Variants in PIAS2 observed in about 807,000 individuals in gnomAD.
The protein encoded by PIAS2 is E3 SUMO-protein ligase PIAS2.
A neutral mutation model predicts 69.7 loss-of-function variants in PIAS2; 19 were observed. The ratio of observed to expected loss-of-function variants is 0.27; its 90% CI spans 0.19 to 0.40. The LOEUF (loss-of-function observed/expected upper bound fraction) is 0.40. Ranked by LOEUF, PIAS2 falls within the 10% of genes least tolerant of loss-of-function variation. The pLI, the probability that PIAS2 is intolerant of heterozygous loss-of-function variation, is 1.00. For synonymous variants in PIAS2, 261 were observed against 263.2 expected (o/e 0.99, Z 0.08); for missense variants, 624 against 757.0 (o/e 0.82, Z 2.06).
chr18:46,815,287 A>G (rs1247301119), intron 13 of PIAS2, 25 bp downstream of exon 13: 1 of 1,595,704 alleles, frequency 6.3e-7, no homozygotes, highest in South Asian at 1.1e-5. Context: ...AATACAAATT[A>G]GTTGCTTAAA....
rs140762308 is a variant in PIAS2, at chr18:46,812,055, AT to A, written c.*377del. ...TGTCATTCTAGAATCAGTGATTACA[AT>A]TTTTTTTTTAATTAGAAAAAAGGTT... On this transcript the variant is annotated 3_prime_UTR_variant, in exon 14 of 14. Transcript: ENST00000585916. 1,285 of 154,190 alleles carry A rather than the reference AT, an allele frequency of 8.3e-3. 10 individuals are homozygous for A. Among genetic ancestry groups the A allele is most frequent in the African/African-American group, 0.026 (1,075 of 41,186 alleles). The allele number at this position is 154,190 out of a possible 1,614,324, so 9.6% of individuals were successfully genotyped here. A position where few individuals can be genotyped will look rare whatever the true frequency, so the allele number is the denominator to read the frequency against.
intron 2 of PIAS2, among the ~76,000 whole-genome samples, chr18:46,879,349 T>C (rs536017879): frequency 1.4e-3 from 217 of 150,744 alleles, no homozygotes; most frequent in African/African-American, 4.6e-3. Context: ...AAAACTATAA[T>C]GCAATGCCAC....
At chr18:46,861,737 G>A (rs762613394) in intron 3 of PIAS2, among the ~76,000 whole-genome samples, 3 of 152,100 alleles carry the variant, frequency 2.0e-5, no homozygotes, top group South Asian at 2.1e-4. Flanking sequence ...AAAGTGTCAC[G>A]CTGTGAAAGA....
intron 11 of PIAS2, among the ~76,000 whole-genome samples, chr18:46,824,381 T>C (rs925731128): frequency 7.2e-5 from 11 of 152,234 alleles, no homozygotes; most frequent in African/African-American, 1.4e-4. Flanking sequence ...ATCCTTATTA[T>C]GTTTCCTGTC....
intron 2 of PIAS2, among the ~76,000 whole-genome samples, chr18:46,880,142 T>A (rs1409952053): frequency 6.7e-6 from 1 of 148,914 alleles, no homozygotes; most frequent in African/African-American, 2.5e-5. Flanking sequence ...ATGCCTATAA[T>A]CCCAGCACTT....
chr18:46,825,301 C>T (rs1234065290), intron 11 of PIAS2, among the ~76,000 whole-genome samples: 6 of 152,296 alleles, frequency 3.9e-5, no homozygotes, highest in African/African-American at 1.4e-4. Context: ...TGACAGGTGG[C>T]AGCCACTCTA....
chr18:46,806,867 A>C lies in PIAS2; in HGVS notation c.*5566T>G, dbSNP rs1028148822. ...AATTAAGCTTTGAGAACACAAAATAAAGCTTTTTAAAAAAGCCATTCAGAA... is the reference window on the plus strand; with the variant it reads ...AATTAAGCTTTGAGAACACAAAATACAGCTTTTTAAAAAAGCCATTCAGAA... On this transcript the variant is annotated 3_prime_UTR_variant, in exon 14 of 14. Transcript: ENST00000585916. The C allele has an allele frequency of 6.6e-6, 1 of 152,212 alleles. No homozygotes were observed. Among genetic ancestry groups the C allele is most frequent in the African/African-American group, 2.4e-5 (1 of 41,456 alleles). 9.4% of individuals were successfully genotyped at this position (152,212 alleles called of 1,614,324 possible).
rs56318022 is a variant in PIAS2 at position 46,859,804 on chromosome 18, G to A, written c.585-4189C>T. Among the ~76,000 whole-genome samples the A allele has an allele frequency of 6.6e-3, 1,002 of 152,286 alleles. 8 individuals carry two copies. The highest frequency in any genetic ancestry group is 0.023 in the African/African-American group (965 of 41,548). ...CTGAAAAAGGTGTCTAGAGGGAGGT[G>A]TTGGTAATTTTGCAGCCACCCATAT... On this transcript the variant is annotated intron_variant, in intron 3 of 13. Transcript: ENST00000585916.
intron 8 of PIAS2, among the ~76,000 whole-genome samples, chr18:46,840,231 A>G (rs778302927): frequency 6.2e-4 from 94 of 152,182 alleles, no homozygotes; most frequent in Non-Finnish European, 2.2e-4. Context: ...ATAGTTATCA[A>G]TATTTGTATA....
intron 5 of PIAS2, among the ~76,000 whole-genome samples, chr18:46,852,164 T>A (rs7241858): frequency 0.077 from 11,751 of 152,250 alleles, 489 homozygotes; most frequent in African/African-American, 0.1. Context: ...GTTTTATATT[T>A]AAAAAGACTC....
intron 10 of PIAS2, among the ~76,000 whole-genome samples, chr18:46,828,957 A>T (rs2043198455): frequency 6.6e-6 from 1 of 152,244 alleles, no homozygotes; most frequent in South Asian, 2.1e-4. Flanking sequence ...TGTCAATCGC[A>T]GAGGAATAAT....
intron 3 of PIAS2, 50 bp downstream of exon 3, chr18:46,864,113 AG>A (rs770912313): frequency 1.9e-6 from 2 of 1,060,904 alleles, no homozygotes; most frequent in Non-Finnish European, 1.4e-6. Flanking sequence ...GCAGCCCTAC[AG>A]GTGAATAAAC....
Position 46,821,041 on chromosome 18 carries a change from C to T in PIAS2, c.1540G>A (p.Val514Met). ...VLMYQPSSVR[V>M]PSVTSVDPAA... Reference sequence around the variant, plus strand: ...GGATCAACCGAAGTCACACTGGGCACCCTTACAGAAGATGGCTGATACATG... The same window carrying T: ...GGATCAACCGAAGTCACACTGGGCATCCTTACAGAAGATGGCTGATACATG... The change falls in exon 12 of 14, where the codon GTG becomes ATG. Residue 514 changes from valine (V) to methionine (M), a missense_variant. Val to Met is a conservative substitution (Grantham distance 21, BLOSUM62 1). This residue lies in a region of PIAS2 where 241 missense variants were observed against 257.3 expected (regional missense o/e 0.94). Transcript: ENST00000585916. 6.2e-7 allele frequency: 1 copy of T among 1,613,444 alleles called. No individual in the cohort carries two copies. The highest frequency in any genetic ancestry group is 8.5e-7 in the Non-Finnish European group (1 of 1,179,582).
Position 46,803,236 on chromosome 18 carries a change from GTTTAA to G in PIAS2, c.*9192_*9196del, listed in dbSNP as rs574972105. On this transcript the variant is annotated 3_prime_UTR_variant, in exon 14 of 14. Coordinates refer to ENST00000585916, the MANE Select transcript of PIAS2 (RefSeq NM_004671.5). ...CAATGGGTCATAGTTTAATTAGCAG[GTTTAA>G]TTTTTCTTTAATGTCTTACAATCAG... The G allele has an allele frequency of 5.0e-4, 76 of 152,022 alleles. No individual in the cohort carries two copies. The highest frequency in any genetic ancestry group is 1.3e-3 in the African/African-American group (52 of 41,478). The allele number at this position is 152,022 out of a possible 1,614,324, so 9.4% of individuals were successfully genotyped here.
At chr18:46,914,563 C>G (rs571888625) in intron 1 of PIAS2, among the ~76,000 whole-genome samples, 1 of 146,718 alleles carries the variant, frequency 6.8e-6, no homozygotes, top group Non-Finnish European at 1.5e-5. Context: ...AACCCTCCCC[C>G]CCCCAACTCC....
rs2040548170 is a variant in PIAS2, at chr18:46,803,250, T to C, written c.*9183A>G. ...TTAATTAGCAGGTTTAATTTTTCTTTAATGTCTTACAATCAGGTACTTAGA... is the reference window on the plus strand; with the variant it reads ...TTAATTAGCAGGTTTAATTTTTCTTCAATGTCTTACAATCAGGTACTTAGA... On this transcript the variant is annotated 3_prime_UTR_variant, in exon 14 of 14. Coordinates refer to ENST00000585916, the MANE Select transcript of PIAS2 (RefSeq NM_004671.5). The C allele has an allele frequency of 6.6e-6, 1 of 152,082 alleles. No individual in the cohort carries two copies. The highest frequency in any genetic ancestry group is 1.5e-5 in the Non-Finnish European group (1 of 68,020). The allele number at this position is 152,082 out of a possible 1,614,324, so 9.4% of individuals were successfully genotyped here. A position where few individuals can be genotyped will look rare whatever the true frequency, so the allele number is the denominator to read the frequency against.
chr18:46,838,333 C>T (rs2044762392), intron 8 of PIAS2, among the ~76,000 whole-genome samples: 1 of 152,018 alleles, frequency 6.6e-6, no homozygotes, highest in Admixed American at 6.6e-5. Flanking sequence ...TATTACCATC[C>T]CCATGTTATA....
chr18:46,917,056 C>G, intron 1 of PIAS2: 4 of 988,400 alleles, frequency 4.0e-6, no homozygotes, highest in Non-Finnish European at 3.6e-6. Flanking sequence ...CGCCCCGACC[C>G]CCCGCGCCAG....
intron 8 of PIAS2, among the ~76,000 whole-genome samples, chr18:46,842,777 A>C (rs1030756853): frequency 2.0e-5 from 3 of 152,202 alleles, no homozygotes; most frequent in Non-Finnish European, 4.4e-5. Context: ...CATGCCTCCT[A>C]GAACCTCTGC....
Sources: allele counts gnomAD v4.1 joint callset (sites outside exome capture counted in the v4.1 genomes callset), GRCh38; gene constraint gnomAD v4.1.1; regional missense constraint gnomAD v4.1.1; transcripts MANE v1.5; gene names NCBI Gene and HGNC (gene_info 2026-07-23, HGNC 2026-07-21).